DNMT3A: variants seen among roughly 807,000 people sequenced by gnomAD.
DNMT3A encodes DNA (cytosine-5)-methyltransferase 3A.
Under a neutral mutation model 117.6 loss-of-function variants are expected in DNMT3A, and 267 were observed. That is an observed-to-expected ratio of 2.27 (90% confidence interval 2.05 to 2.51). The LOEUF is 2.51. Ranked by LOEUF, DNMT3A falls within the 30% of genes most tolerant of loss-of-function variation. The pLI is 0.00. For missense variants in DNMT3A, 1,029 were observed against 1,260.2 expected (o/e 0.82, Z 2.78); for synonymous variants, 432 against 474.8 (o/e 0.91, Z 1.17).
At chr2:25,279,458 T>C (rs879514397) in intron 4 of DNMT3A, among the ~76,000 whole-genome samples, 1 of 152,180 alleles carries the variant, frequency 6.6e-6, no homozygotes, top group Non-Finnish European at 1.5e-5. Flanking sequence ...CTATGTCAGC[T>C]GACTGCTGGA....
At position 25,246,044 on chromosome 2, in the gene DNMT3A, G is replaced by A. The variant is rs2149298460; in HGVS notation, c.1450C>T (p.Arg484Trp). Residue 484 changes from arginine (R) to tryptophan (W), a missense_variant, in exon 12 of 23, where the codon CGG becomes TGG. Physicochemically the swap from Arg to Trp is moderately radical, Grantham distance 101 (BLOSUM62 -3). Coordinates refer to ENST00000321117, the MANE Select transcript of DNMT3A (RefSeq NM_022552.5). ...RTRERLVYEV[R>W]QKCRNIEDIC... ...CCCTCAATGTTCCGGCACTTCTGCC[G>A]CACCTCGTACACCAGCCGCTCTGCA... 6.2e-7 allele frequency: 1 copy of A among 1,614,088 alleles called. No individual in the cohort carries two copies. Among genetic ancestry groups the A allele is most frequent in the Non-Finnish European group, 8.5e-7 (1 of 1,179,964 alleles).
chr2:25,281,997 C>T lies in DNMT3A; in HGVS notation c.448+444G>A, dbSNP rs969992974. The stretch of plus-strand genomic sequence containing the variant: ...AGGCCAGGGGCTACAAATACAGCAA[C>T]CCCCAGGAACTGCATGGCACGTGGG... On this transcript the variant is annotated intron_variant, in intron 4 of 22. Transcript: ENST00000321117. The surrounding 1 kb of genome is among the most constrained non-coding windows in gnomAD (Gnocchi z 4.8). 2.7e-6 allele frequency: 3 copies of T among 1,100,732 alleles called. No homozygotes were observed. Among genetic ancestry groups the T allele is most frequent in the Non-Finnish European group, 3.3e-6 (3 of 900,866 alleles). The allele number at this position is 1,100,732 out of a possible 1,614,324, so 68.2% of individuals were successfully genotyped here. A position where few individuals can be genotyped will look rare whatever the true frequency, so the allele number is the denominator to read the frequency against.
Position 25,252,175 on chromosome 2 carries a change from G to A in DNMT3A, c.640-3923C>T, listed in dbSNP as rs2149326083. The stretch of plus-strand genomic sequence containing the variant: ...CCTCCCCGCCCCCGGTCTCCCCGGG[G>A]CTCCGTCCAGGAACCTACCCATAAG... On this transcript the variant is annotated intron_variant, in intron 6 of 22. Coordinates refer to ENST00000321117, the MANE Select transcript of DNMT3A (RefSeq NM_022552.5). The surrounding 1 kb of genome is among the most constrained non-coding windows in gnomAD (Gnocchi z 5.5). 2.6e-6 allele frequency: 4 copies of A among 1,562,062 alleles called. No homozygotes were observed. The South Asian group carries it at 3.6e-5, about 14-fold the overall frequency.
intron 1 of DNMT3A, among the ~76,000 whole-genome samples, chr2:25,319,159 T>C (rs191316981): frequency 6.6e-5 from 10 of 150,898 alleles, no homozygotes; most frequent in South Asian, 4.2e-4. Flanking sequence ...GTACTACAGG[T>C]GCCCACCACC....
rs1052466473 is a variant in DNMT3A at position 25,304,961 on chromosome 2, A to C, written c.73-4718T>G. 6.6e-6 allele frequency among the ~76,000 whole-genome samples: 1 copy of C among 152,150 alleles called. No individual in the cohort carries two copies. The highest frequency in any genetic ancestry group is 1.9e-4 in the East Asian group (1 of 5,198). ...TTCCTCTCCTATAGTTCCCCTACCC[A>C]GCAAGGCAACGGTCAGCTCCTTGAG... On this transcript the variant is annotated intron_variant, in intron 2 of 22. Coordinates refer to ENST00000321117, the MANE Select transcript of DNMT3A (RefSeq NM_022552.5). This position sits in a 1 kb window ranked among gnomAD's most constrained non-coding sequence, Gnocchi z 4.3.
Position 25,252,212 on chromosome 2 carries a change from C to G in DNMT3A, c.640-3960G>C, listed in dbSNP as rs1276504245. 2.6e-6 allele frequency: 4 copies of G among 1,561,308 alleles called. No individual in the cohort carries two copies. Among genetic ancestry groups the G allele is most frequent in the African/African-American group, 2.8e-5 (2 of 72,574 alleles). On this transcript the variant is annotated intron_variant, in intron 6 of 22. Coordinates refer to ENST00000321117, the MANE Select transcript of DNMT3A (RefSeq NM_022552.5). This position sits in a 1 kb window ranked among gnomAD's most constrained non-coding sequence, Gnocchi z 5.5. ...AACCTACCCATAAGGCCAGGTGCAG[C>G]CCCTCTGCAGTCGCGCTCAGGTGTG... is the stretch of plus-strand genomic sequence containing the variant.
Position 25,230,560 on chromosome 2 carries a change from A to G in DNMT3A, c.*3719T>C, listed in dbSNP as rs1303639361. The G allele has an allele frequency of 6.6e-6, 1 of 152,296 alleles. No individual in the cohort carries two copies. The highest frequency in any genetic ancestry group is 1.9e-4 in the East Asian group (1 of 5,180). The allele number at this position is 152,296 out of a possible 1,614,324, so 9.4% of individuals were successfully genotyped here. The stretch of plus-strand genomic sequence containing the variant: ...TAGGCCTTCTTGGTTCCCCCACTCC[A>G]CTGCCTCTAACCTCTGCCTTATCTA... On this transcript the variant is annotated 3_prime_UTR_variant, in exon 23 of 23. Transcript: ENST00000321117.
intron 1 of DNMT3A, among the ~76,000 whole-genome samples, chr2:25,332,060 A>C (rs2035033081): frequency 2.6e-5 from 4 of 152,160 alleles, no homozygotes; most frequent in Admixed American, 2.6e-4. Flanking sequence ...GTCCAGGCCC[A>C]CATTGCTGCC....
chr2:25,267,944 G>A (rs150825545), intron 6 of DNMT3A, among the ~76,000 whole-genome samples: 43 of 152,302 alleles, frequency 2.8e-4, no homozygotes, highest in Middle Eastern at 6.8e-3. Context: ...CCTCAGCTGG[G>A]GTACAGGGTA....
At chr2:25,269,430 C>T (rs577717134) in intron 6 of DNMT3A, among the ~76,000 whole-genome samples, 4 of 152,310 alleles carry the variant, frequency 2.6e-5, no homozygotes, top group Non-Finnish European at 4.4e-5. Context: ...GAGGCAGCAG[C>T]TCTTGGCCTC....
intron 3 of DNMT3A, among the ~76,000 whole-genome samples, chr2:25,287,839 CTT>C (rs112621064): frequency 6.9e-6 from 1 of 145,404 alleles, no homozygotes. Flanking sequence ...CAAAGGAACA[CTT>C]TTTTTTTTTT....
At chr2:25,267,750 G>A (rs1340736864) in intron 6 of DNMT3A, among the ~76,000 whole-genome samples, 1 of 152,238 alleles carries the variant, frequency 6.6e-6, no homozygotes, top group Non-Finnish European at 1.5e-5. Context: ...GATAAGAATT[G>A]TTCATTCATT....
rs1672940656 is a variant in DNMT3A at position 25,232,828 on chromosome 2, T to G, written c.*1451A>C. 1 of 221,474 alleles carries G rather than the reference T, an allele frequency of 4.5e-6. No homozygotes were observed. The highest frequency in any genetic ancestry group is 2.2e-5 in the African/African-American group (1 of 44,618). 13.7% of individuals were successfully genotyped at this position (221,474 alleles called of 1,614,324 possible). On this transcript the variant is annotated 3_prime_UTR_variant, in exon 23 of 23. Coordinates refer to ENST00000321117, the MANE Select transcript of DNMT3A (RefSeq NM_022552.5). The surrounding 1 kb of genome is among the most constrained non-coding windows in gnomAD (Gnocchi z 4.1). ...AGAATAATTATAATAAAAGGTGTCA[T>G]CAGCCTCCCAGTATAAAACTGCAGC...
intron 20 of DNMT3A, among the ~76,000 whole-genome samples, chr2:25,238,239 C>T (rs1673581715): frequency 6.6e-6 from 1 of 152,174 alleles, no homozygotes; most frequent in Non-Finnish European, 1.5e-5. Flanking sequence ...AGGCCAGCTG[C>T]CCCAATGCCC....
At chr2:25,265,522 TA>T (rs950052703) in intron 6 of DNMT3A, among the ~76,000 whole-genome samples, 1 of 152,046 alleles carries the variant, frequency 6.6e-6, no homozygotes, top group African/African-American at 2.4e-5. Flanking sequence ...AAATACAGGT[TA>T]AAAAAATACT....
In DNMT3A at chr2:25,233,999, C is replaced by A. The variant is rs552735080; in HGVS notation, c.*280G>T. 6.4e-6 allele frequency: 2 copies of A among 311,622 alleles called. No individual in the cohort carries two copies. The highest frequency in any genetic ancestry group is 4.3e-5 in the African/African-American group (2 of 46,820). 19.3% of individuals were successfully genotyped at this position (311,622 alleles called of 1,614,324 possible). ...AAGAGTAGAAAATAAAAGGTCTGAC[C>A]GAAAAAAAAGGGAAGGGGGAGGAAG... On this transcript the variant is annotated 3_prime_UTR_variant, in exon 23 of 23. Coordinates refer to ENST00000321117, the MANE Select transcript of DNMT3A (RefSeq NM_022552.5).
intron 6 of DNMT3A, among the ~76,000 whole-genome samples, chr2:25,250,944 G>T (rs574129207): frequency 6.6e-6 from 1 of 152,132 alleles, no homozygotes; most frequent in Admixed American, 6.5e-5. Context: ...ACTCCCCCAC[G>T]GCCCCTTTGT....
intron 6 of DNMT3A, among the ~76,000 whole-genome samples, chr2:25,269,696 C>T (rs1452435937): frequency 6.6e-6 from 1 of 152,018 alleles, no homozygotes; most frequent in Non-Finnish European, 1.5e-5. Context: ...AGAGCTTAGT[C>T]CTTACAGGAC....
intron 6 of DNMT3A, among the ~76,000 whole-genome samples, chr2:25,258,548 C>G (rs886211644): frequency 1.3e-5 from 2 of 152,216 alleles, no homozygotes; most frequent in African/African-American, 4.8e-5. Flanking sequence ...GGCTCTAGGC[C>G]TCTGTTACTC....
Sources: allele counts gnomAD v4.1 joint callset (sites outside exome capture counted in the v4.1 genomes callset), GRCh38; gene constraint gnomAD v4.1.1; non-coding constraint Gnocchi (gnomAD v3.1); transcripts MANE v1.5; gene names NCBI Gene and HGNC (gene_info 2026-07-23, HGNC 2026-07-21).